SPTB: variants seen among roughly 807,000 people sequenced by gnomAD.
SPTB encodes the protein spectrin beta, erythrocytic.
In SPTB, 45 loss-of-function variants were observed where a neutral mutation model predicts 256.2. That is an observed-to-expected ratio of 0.18 (90% CI 0.14 to 0.23). The LOEUF is 0.23. Among genes scored for constraint, SPTB ranks in the 10% least tolerant of loss-of-function variants. SPTB has a pLI of 1.00. For synonymous variants in SPTB, 1,231 were observed against 1,243.1 expected, an observed-to-expected ratio of 0.99 and a Z score of 0.21; for missense variants, 2,715 against 3,040.4, an observed-to-expected ratio of 0.89 and a Z score of 2.52.
At position 64,749,397 on chromosome 14, in the gene SPTB, C is replaced by T; in HGVS notation, c.6896G>A (p.Ser2299Asn). The T allele has an allele frequency of 6.2e-7, 1 of 1,609,284 alleles. No homozygotes were observed. The highest frequency in any genetic ancestry group is 8.5e-7 in the Non-Finnish European group (1 of 1,179,734). Reference sequence around the variant, plus strand: ...GCCGGAGAGGGAAGGCAGGGGCAGGCTCTGCGCCTTGACGCGGATGCTCTG... The same window carrying T: ...GCCGGAGAGGGAAGGCAGGGGCAGGTTCTGCGCCTTGACGCGGATGCTCTG... ...ESQSIRVKAQ[S>N]LPLPSLSGPD... Residue 2299 changes from serine (S) to asparagine (N), a missense_variant, in exon 36 of 36, where the codon AGC (serine) becomes AAC (asparagine). Coordinates refer to ENST00000644917, the MANE Select transcript of SPTB (RefSeq NM_001355436.2). This position sits in a 1 kb window ranked among gnomAD's most constrained non-coding sequence, Gnocchi z 4.7.
At chr14:64,780,525 T>G (rs1016416067) in intron 20 of SPTB, among the ~76,000 whole-genome samples, 5 of 152,220 alleles carry the variant, frequency 3.3e-5, no homozygotes, top group Non-Finnish European at 7.4e-5. Flanking sequence ...GTGATTCTCC[T>G]GCCTCAGCCT....
Position 64,752,092 on chromosome 14 carries a change from TAAACA to T in SPTB, c.6602+1440_6602+1444del, listed in dbSNP as rs369050414. On this transcript the variant is annotated intron_variant, in intron 33 of 35. Transcript: ENST00000644917. The stretch of plus-strand genomic sequence containing the variant: ...CGGGGTGACAGAGTGAGACTCTGTC[TAAACA>T]AAACAAAACAAAACAAAACACAAAA... 1,874 of 1,087,654 alleles carry T rather than the reference TAAACA, an allele frequency of 1.7e-3. 19 individuals are homozygous for T. The African/African-American group carries it at 0.026, about 15-fold the overall frequency. The allele number at this position is 1,087,654 out of a possible 1,614,324, so 67.4% of individuals were successfully genotyped here.
At position 64,796,435 on chromosome 14, in the gene SPTB, G is replaced by A; in HGVS notation, c.1341+122C>T. ...AATCTTGATCCACTGGATCACGGGG[G>A]AGCTGTGCTGCAAGGCACGAGGAGA... is the stretch of plus-strand genomic sequence containing the variant. On this transcript the variant is annotated intron_variant, in intron 11 of 35. Transcript: ENST00000644917. The surrounding 1 kb of genome is among the most constrained non-coding windows in gnomAD (Gnocchi z 4.1). 4 of 1,278,500 alleles carry A rather than the reference G, an allele frequency of 3.1e-6. 1 individual carries two copies. The South Asian group carries it at 4.8e-5, about 15-fold the overall frequency. The allele number at this position is 1,278,500 out of a possible 1,614,324, so 79.2% of individuals were successfully genotyped here. A position where few individuals can be genotyped will look rare whatever the true frequency, so the allele number is the denominator to read the frequency against.
chr14:64,765,038 G>GTC (rs1421458333), intron 32 of SPTB, among the ~76,000 whole-genome samples: 1 of 140,580 alleles, frequency 7.1e-6, no homozygotes, highest in African/African-American at 2.7e-5. Flanking sequence ...GTGTGTGTGT[G>GTC]TGTGCGCGCG....
At position 64,746,529 on chromosome 14, in the gene SPTB, C is replaced by A. The variant is rs60242081; in HGVS notation, c.*2777G>T. On this transcript the variant is annotated 3_prime_UTR_variant, in exon 36 of 36. Coordinates refer to ENST00000644917, the MANE Select transcript of SPTB (RefSeq NM_001355436.2). The surrounding 1 kb of genome is among the most constrained non-coding windows in gnomAD (Gnocchi z 4.9). ...TCATCCTCCTCTGGATTCCTGCCCC[C>A]CTCCCATGAAGGGAGGAAGAGGATT... is the stretch of plus-strand genomic sequence containing the variant. 2 of 152,632 alleles carry A rather than the reference C, an allele frequency of 1.3e-5. No homozygotes were observed. Among genetic ancestry groups the A allele is most frequent in the Non-Finnish European group, 2.9e-5 (2 of 68,078 alleles). The allele number at this position is 152,632 out of a possible 1,614,324, so 9.5% of individuals were successfully genotyped here.
At chr14:64,811,329 T>C (rs1359714920) in intron 2 of SPTB, among the ~76,000 whole-genome samples, 14 of 152,204 alleles carry the variant, frequency 9.2e-5, no homozygotes, top group Admixed American at 7.9e-4. Context: ...TCACTCATAA[T>C]AGAAGTCCAA....
chr14:64,870,809 G>C (rs1882486351), intron 1 of SPTB, among the ~76,000 whole-genome samples: 1 of 152,206 alleles, frequency 6.6e-6, no homozygotes, highest in Non-Finnish European at 1.5e-5. Flanking sequence ...TGAAAGCAAG[G>C]TCTCAAGGAG....
chr14:64,796,865 T>C lies in SPTB; in HGVS notation c.1183-150A>G. On this transcript the variant is annotated intron_variant, in intron 10 of 35. Transcript: ENST00000644917. The surrounding 1 kb of genome is among the most constrained non-coding windows in gnomAD (Gnocchi z 4.1). ...GACGTGGTAGCAGATTAAAGATCAATAAAAGCCTTTGGCTTTCATGTCTGG... is the reference window on the plus strand; with the variant it reads ...GACGTGGTAGCAGATTAAAGATCAACAAAAGCCTTTGGCTTTCATGTCTGG... The C allele has an allele frequency of 9.7e-7, 1 of 1,026,222 alleles. No homozygotes were observed. The highest frequency in any genetic ancestry group is 1.4e-6 in the Non-Finnish European group (1 of 710,176). 63.6% of individuals were successfully genotyped at this position (1,026,222 alleles called of 1,614,324 possible).
At chr14:64,812,180 C>T (rs1052607906) in intron 2 of SPTB, among the ~76,000 whole-genome samples, 1 of 152,234 alleles carries the variant, frequency 6.6e-6, no homozygotes, top group Non-Finnish European at 1.5e-5. Flanking sequence ...AACTCCTCAC[C>T]TCAGGTGATC....
intron 30 of SPTB, 99 bp from the exon 31 acceptor site, chr14:64,767,451 C>A: frequency 6.6e-7 from 1 of 1,525,242 alleles, no homozygotes; most frequent in South Asian, 1.1e-5. Flanking sequence ...CCCACATGCC[C>A]TGACACTTGT....
Position 64,758,533 on chromosome 14 carries a change from G to A in SPTB, c.6346-4740C>T, listed in dbSNP as rs146231956. ...GGCCCCAGGTCCGGCCAAAGACAAC[G>A]GCGTGCTGCTGAGTGGAGGGCTCTG... On this transcript the variant is annotated intron_variant, in intron 32 of 35. Transcript: ENST00000644917. The surrounding 1 kb of genome is among the most constrained non-coding windows in gnomAD (Gnocchi z 4.6). Among the ~76,000 whole-genome samples, 277 of 152,396 alleles carry A rather than the reference G, an allele frequency of 1.8e-3. 3 individuals are homozygous for A. The highest frequency in any genetic ancestry group is 6.4e-3 in the African/African-American group (266 of 41,590).
chr14:64,768,695 AGGCCCCCAGCCCCTCCCCCG>A (rs2082230403), intron 29 of SPTB, among the ~76,000 whole-genome samples: 1 of 102,278 alleles, frequency 9.8e-6, no homozygotes, highest in Non-Finnish European at 2.3e-5. Flanking sequence ...CCCCTCCCCC[AGGCCCCCAGCCCCTCCCCCG>A]GGCCCCCAAC....
chr14:64,865,717 C>T (rs1488430135), intron 1 of SPTB, among the ~76,000 whole-genome samples: 4 of 152,286 alleles, frequency 2.6e-5, no homozygotes, highest in South Asian at 2.1e-4. Context: ...AAAGTGACTT[C>T]GCACAGCTTT....
At position 64,825,840 on chromosome 14, in the gene SPTB, C is replaced by T. The variant is rs1421976263; in HGVS notation, c.-51-2695G>A. On this transcript the variant is annotated intron_variant, in intron 1 of 35. Transcript: ENST00000644917. The surrounding 1 kb of genome is among the most constrained non-coding windows in gnomAD (Gnocchi z 4.8). ...GATGGCCCCGGGTGCAGAAGAGCAG[C>T]GGCTCGACAGCAATTCATCCTGCTT... Among the ~76,000 whole-genome samples, 4 of 152,236 alleles carry T rather than the reference C, an allele frequency of 2.6e-5. No homozygotes were observed. The East Asian group carries it at 5.8e-4, about 22-fold the overall frequency.
At chr14:64,784,425 T>C (rs202168486) in intron 18 of SPTB, 32 bp from the exon 19 acceptor site, 2 of 1,613,194 alleles carry the variant, frequency 1.2e-6, no homozygotes, top group East Asian at 4.5e-5. Flanking sequence ...TGACTATCCC[T>C]GAGTATATTT....
intron 15 of SPTB, 122 bp from the exon 16 acceptor site, chr14:64,787,282 T>TA: frequency 2.3e-6 from 3 of 1,322,718 alleles, no homozygotes; most frequent in South Asian, 1.4e-5. Flanking sequence ...CTTTGTATGA[T>TA]AAAAAGAAAA....
At chr14:64,752,987 A>G (rs923321572) in intron 33 of SPTB, among the ~76,000 whole-genome samples, 2 of 152,232 alleles carry the variant, frequency 1.3e-5, no homozygotes, top group African/African-American at 4.8e-5. Flanking sequence ...TCTCGGGGTC[A>G]TAGAGTCACC....
chr14:64,820,330 C>T (rs2083265617), intron 2 of SPTB, among the ~76,000 whole-genome samples: 1 of 152,202 alleles, frequency 6.6e-6, no homozygotes, highest in Non-Finnish European at 1.5e-5. Context: ...TTTCTCCATT[C>T]TGCCTACCCA....
chr14:64,770,897 T>C lies in SPTB; in HGVS notation c.5786A>G (p.Gln1929Arg). Residue 1929 changes from glutamine (Q) to arginine (R), a missense_variant, in exon 27 of 36, where the codon CAG becomes CGG. Around this residue, in one of 4 missense-constraint regions of SPTB, gnomAD observed 2,239 missense variants for 2,384.4 expected, o/e 0.94. Transcript: ENST00000644917. ...ACACTCCCCTCACCTGGGCCTCTCC[T>C]GGGTCTCGATCTGCCGGATGATGCT... ...MESIIRQIET[Q>R]ERPRDVSSVE... 1 of 1,614,090 alleles carries C rather than the reference T, an allele frequency of 6.2e-7. No homozygotes were observed. The highest frequency in any genetic ancestry group is 2.2e-5 in the East Asian group (1 of 44,888).
Sources: allele counts gnomAD v4.1 joint callset (sites outside exome capture counted in the v4.1 genomes callset), GRCh38; gene constraint gnomAD v4.1.1; regional missense constraint gnomAD v4.1.1; non-coding constraint Gnocchi (gnomAD v3.1); transcripts MANE v1.5; gene names NCBI Gene and HGNC (gene_info 2026-07-23, HGNC 2026-07-21).